Variants in FSTL5 observed in about 807,000 individuals in gnomAD.
FSTL5 encodes the protein follistatin-related protein 5.
Under a neutral mutation model 89.1 loss-of-function variants are expected in FSTL5, and 62 were observed. The ratio of observed to expected loss-of-function variants is 0.70; its 90% CI spans 0.57 to 0.86. FSTL5 has a LOEUF of 0.86. Ranked by LOEUF, FSTL5 falls within the 40% of genes least tolerant of loss-of-function variation. FSTL5 has a pLI of 0.00. For missense variants in FSTL5, 1,057 were observed against 1,001.6 expected (o/e 1.06, Z -0.75); for synonymous variants, 383 against 346.2 (o/e 1.11, Z -1.18).
intron 4 of FSTL5, among the ~76,000 whole-genome samples, chr4:161,786,676 TCAAGAGAAG>T (rs2126815765): frequency 6.6e-6 from 1 of 152,272 alleles, no homozygotes; most frequent in African/African-American, 2.4e-5. Flanking sequence ...AGTTAAATTG[TCAAGAGAAG>T]ATTTCTTCAG....
intron 6 of FSTL5, among the ~76,000 whole-genome samples, chr4:161,682,737 GT>G (rs1355129115): frequency 6.6e-6 from 1 of 151,690 alleles, no homozygotes; most frequent in Non-Finnish European, 1.5e-5. Flanking sequence ...CTGTTTTACA[GT>G]TAACTTTCCT....
intron 6 of FSTL5, among the ~76,000 whole-genome samples, chr4:161,706,601 T>C (rs1165964297): frequency 1.3e-5 from 2 of 152,090 alleles, no homozygotes; most frequent in East Asian, 3.9e-4. Context: ...TTGTTAATAC[T>C]GAGGTGTCCT....
intron 4 of FSTL5, among the ~76,000 whole-genome samples, chr4:161,821,926 C>A (rs1730507580): frequency 6.6e-6 from 1 of 152,236 alleles, no homozygotes; most frequent in African/African-American, 2.4e-5. Context: ...ACAATGACTT[C>A]TTTTCTTCTG....
At chr4:161,466,373 T>C (rs1019622234) in intron 13 of FSTL5, among the ~76,000 whole-genome samples, 1 of 152,126 alleles carries the variant, frequency 6.6e-6, no homozygotes, top group African/African-American at 2.4e-5. Context: ...ATACTGATAA[T>C]AGCAGCAAAG....
At chr4:161,411,827 C>A (rs192906465) in intron 15 of FSTL5, among the ~76,000 whole-genome samples, 1 of 152,162 alleles carries the variant, frequency 6.6e-6, no homozygotes, top group East Asian at 1.9e-4. Flanking sequence ...TACTAGAAGT[C>A]CTAGCCAGAG....
intron 13 of FSTL5, among the ~76,000 whole-genome samples, chr4:161,461,935 A>T (rs980294738): frequency 3.7e-4 from 3 of 8,072 alleles, no homozygotes; most frequent in African/African-American, 2.4e-3. Context: ...AAGAAACAGT[A>T]AAAAAAAAAA....
chr4:161,408,284 T>A (rs1731460818), intron 15 of FSTL5, among the ~76,000 whole-genome samples: 1 of 152,212 alleles, frequency 6.6e-6, no homozygotes, highest in Admixed American at 6.5e-5. Flanking sequence ...CAGCATTTAT[T>A]GGATCACAGC....
intron 7 of FSTL5, among the ~76,000 whole-genome samples, chr4:161,650,227 A>T (rs1406223352): frequency 6.6e-6 from 1 of 152,226 alleles, no homozygotes; most frequent in African/African-American, 2.4e-5. Context: ...ATATCTTCAC[A>T]GTTCAAACAT....
At chr4:161,898,291 C>T (rs1266469515) in intron 4 of FSTL5, among the ~76,000 whole-genome samples, 2 of 151,390 alleles carry the variant, frequency 1.3e-5, no homozygotes, top group Non-Finnish European at 2.9e-5. Context: ...TACCCATTCA[C>T]CTATGGAAAA....
At chr4:161,637,438 C>A (rs1297702841) in intron 7 of FSTL5, among the ~76,000 whole-genome samples, 1 of 149,204 alleles carries the variant, frequency 6.7e-6, no homozygotes, top group Non-Finnish European at 1.5e-5. Context: ...ATGGTAGTTT[C>A]TTTTGCTGTG....
chr4:161,952,003 T>A (rs1303941250), intron 3 of FSTL5, among the ~76,000 whole-genome samples: 3 of 152,090 alleles, frequency 2.0e-5, no homozygotes, highest in African/African-American at 7.2e-5. Context: ...CTAGGTATTG[T>A]GTCTTTACTC....
intron 6 of FSTL5, among the ~76,000 whole-genome samples, chr4:161,755,213 A>G (rs1740528255): frequency 6.6e-6 from 1 of 152,094 alleles, no homozygotes; most frequent in African/African-American, 2.4e-5. Flanking sequence ...GTAAAAATCA[A>G]ATTATTAACA....
intron 7 of FSTL5, among the ~76,000 whole-genome samples, chr4:161,648,748 T>C (rs1736236469): frequency 1.3e-5 from 2 of 152,104 alleles, no homozygotes; most frequent in Non-Finnish European, 2.9e-5. Flanking sequence ...ATCTATGCAC[T>C]GAAGGGCCCT....
chr4:161,679,382 T>G (rs571574241), intron 6 of FSTL5, among the ~76,000 whole-genome samples: 1 of 151,830 alleles, frequency 6.6e-6, no homozygotes, highest in African/African-American at 2.4e-5. Flanking sequence ...TGAATTAAGA[T>G]TATTATTCTA....
intron 15 of FSTL5, among the ~76,000 whole-genome samples, chr4:161,430,881 A>C (rs1732340528): frequency 6.6e-6 from 1 of 152,224 alleles, no homozygotes; most frequent in Admixed American, 6.5e-5. Flanking sequence ...TGGAAACCTT[A>C]TTGGCTAAGA....
At chr4:161,447,384 T>A (rs1732983632) in intron 15 of FSTL5, among the ~76,000 whole-genome samples, 1 of 152,078 alleles carries the variant, frequency 6.6e-6, no homozygotes, top group African/African-American at 2.4e-5. Context: ...ATAGCAAATG[T>A]GGGCTAGCAA....
chr4:161,512,972 T>C (rs569246444), intron 10 of FSTL5, among the ~76,000 whole-genome samples: 2 of 152,068 alleles, frequency 1.3e-5, no homozygotes. Context: ...TATTGACATA[T>C]CTTCAAGGGT....
chr4:161,709,221 G>A (rs900464676), intron 6 of FSTL5, among the ~76,000 whole-genome samples: 13 of 151,840 alleles, frequency 8.6e-5, no homozygotes, highest in East Asian at 3.9e-4. Context: ...GTTATTTTAC[G>A]TAAAATCATT....
intron 15 of FSTL5, among the ~76,000 whole-genome samples, chr4:161,408,993 A>T (rs1731493451): frequency 6.6e-6 from 1 of 152,198 alleles, no homozygotes; most frequent in African/African-American, 2.4e-5. Flanking sequence ...ATATTTGAGG[A>T]TATAGTTCAT....
Sources: gnomAD v4.1 joint callset for allele counts (sites outside exome capture counted in the v4.1 genomes callset) on GRCh38, gnomAD v4.1.1 for gene constraint, MANE v1.5 for transcripts, NCBI Gene and HGNC (gene_info 2026-07-23, HGNC 2026-07-21) for gene names.